Variants in EIF3H observed in about 807,000 individuals in gnomAD.
The protein encoded by EIF3H is eIF-3-gamma.
In EIF3H, 26 loss-of-function variants were observed where a neutral mutation model predicts 44.2. The observed-to-expected ratio is 0.59, with a 90% CI of 0.43 to 0.82. The LOEUF is 0.82. Among genes scored for constraint, EIF3H ranks in the 40% least tolerant of loss-of-function variants. The pLI is 0.00. For synonymous variants in EIF3H, 166 were observed against 151.9 expected (o/e 1.09, Z -0.68); for missense variants, 359 against 432.8 (o/e 0.83, Z 1.51).
chr8:116,696,059 G>A (rs376404346), intron 2 of EIF3H, among the ~76,000 whole-genome samples: 1 of 152,292 alleles, frequency 6.6e-6, no homozygotes. Flanking sequence ...CAGCTCAAAA[G>A]CCCTTCAAGT....
intron 2 of EIF3H, among the ~76,000 whole-genome samples, chr8:116,716,295 T>C (rs1814658414): frequency 6.6e-6 from 1 of 152,080 alleles, no homozygotes; most frequent in Non-Finnish European, 1.5e-5. Flanking sequence ...CCTCATACCA[T>C]TATCTTTCCA....
At chr8:116,680,973 TA>T (rs11369605) in intron 2 of EIF3H, among the ~76,000 whole-genome samples, 32,941 of 146,416 alleles carry the variant, frequency 0.22, 3,656 homozygotes, top group East Asian at 0.43. Flanking sequence ...ATTTATAAAT[TA>T]AAAAAAAAAA....
upstream of EIF3H, among the ~76,000 whole-genome samples, chr8:116,757,524 TTC>T (rs1815469917): frequency 6.6e-6 from 1 of 152,220 alleles, no homozygotes; most frequent in South Asian, 2.1e-4. Flanking sequence ...CCTATTTTTG[TTC>T]TCTTTTATGG....
chr8:116,691,868 T>C (rs1209050542), intron 2 of EIF3H, among the ~76,000 whole-genome samples: 1 of 38,886 alleles, frequency 2.6e-5, no homozygotes, highest in South Asian at 8.5e-4. Context: ...AAAGACTGTC[T>C]CAAAAAAAAA....
In EIF3H at chr8:116,750,970, T is replaced by G. The variant is rs551509860; in HGVS notation, c.132+4696A>C. ...GCTCACGCCTGTAATCCCAGCACTT[T>G]GGGAGGCCGAGGCGGGCGGATCACG... On this transcript the variant is annotated intron_variant, in intron 1 of 7. Coordinates refer to ENST00000521861, the MANE Select transcript of EIF3H (RefSeq NM_003756.3). 7.5e-3 allele frequency among the ~76,000 whole-genome samples: 1,137 copies of G among 151,648 alleles called. 20 individuals carry two copies. Among genetic ancestry groups the G allele is most frequent in the African/African-American group, 0.026 (1,095 of 41,514 alleles).
upstream of EIF3H, among the ~76,000 whole-genome samples, chr8:116,759,349 GAT>G (rs1438092299): frequency 2.0e-5 from 3 of 152,326 alleles, no homozygotes; most frequent in Non-Finnish European, 4.4e-5. Context: ...GGAAGCAGAG[GAT>G]AGCCTGTCAC....
At chr8:116,680,836 T>C (rs1038454113) in intron 2 of EIF3H, among the ~76,000 whole-genome samples, 1 of 45,956 alleles carries the variant, frequency 2.2e-5, no homozygotes, top group Non-Finnish European at 5.2e-5. Context: ...AAAAAAATAA[T>C]AATAAATAAA....
At chr8:116,738,147 C>CA (rs112870218) in intron 1 of EIF3H, among the ~76,000 whole-genome samples, 6,164 of 150,640 alleles carry the variant, frequency 0.041, 421 homozygotes, top group African/African-American at 0.14. Context: ...CAAAAAGCAT[C>CA]AAAAAAAACT....
At chr8:116,692,661 C>T (rs1371376547) in intron 2 of EIF3H, among the ~76,000 whole-genome samples, 2 of 152,166 alleles carry the variant, frequency 1.3e-5, no homozygotes, top group Non-Finnish European at 2.9e-5. Context: ...AAACAAACCC[C>T]TTTCCTTCCA....
At chr8:116,696,572 C>T (rs1442100838) in intron 2 of EIF3H, among the ~76,000 whole-genome samples, 1 of 152,184 alleles carries the variant, frequency 6.6e-6, no homozygotes, top group East Asian at 1.9e-4. Flanking sequence ...AGAAGATAGG[C>T]ATACTTCATG....
chr8:116,750,902 G>A (rs114586183), intron 1 of EIF3H, among the ~76,000 whole-genome samples: 2,051 of 152,038 alleles, frequency 0.013, 55 homozygotes, highest in African/African-American at 0.047. Context: ...GAATGTTCAC[G>A]TTAAATAAAC....
At chr8:116,739,400 C>T (rs1815093915) in intron 1 of EIF3H, among the ~76,000 whole-genome samples, 1 of 152,242 alleles carries the variant, frequency 6.6e-6, no homozygotes, top group Non-Finnish European at 1.5e-5. Flanking sequence ...CCTGTAATCC[C>T]AGCACTTTTG....
intron 1 of EIF3H, among the ~76,000 whole-genome samples, chr8:116,752,759 G>GAAA (rs1815375561): frequency 5.1e-5 from 1 of 19,614 alleles, no homozygotes; most frequent in East Asian, 8.8e-4. Flanking sequence ...GAAAGAGGGA[G>GAAA]GGAGGGAGGG....
At chr8:116,689,248 T>C (rs375785134) in intron 2 of EIF3H, 17 of 295,090 alleles carry the variant, frequency 5.8e-5, no homozygotes, top group South Asian at 3.5e-4. Context: ...AGACAGAATG[T>C]AGATTTGAGG....
intron 1 of EIF3H, among the ~76,000 whole-genome samples, chr8:116,764,260 T>G (rs1421357801): frequency 6.6e-6 from 1 of 152,200 alleles, no homozygotes; most frequent in African/African-American, 2.4e-5. Context: ...TATTAAATAT[T>G]TTAATAATGA....
intron 2 of EIF3H, among the ~76,000 whole-genome samples, chr8:116,681,372 TACAA>T (rs528446329): frequency 2.6e-4 from 38 of 146,584 alleles, no homozygotes; most frequent in Admixed American, 2.4e-3. Context: ...AAAGAAAAGG[TACAA>T]ACACTCTATG....
chr8:116,643,733 A>G lies in EIF3H; in HGVS notation c.*1273T>C, dbSNP rs1468950255. On this transcript the variant is annotated 3_prime_UTR_variant, in exon 8 of 8. Transcript: ENST00000521861. ...ATCCCAGAGCCCCAGTAGTGCCTTC[A>G]AAACAATGTTGTCCAAAAAATGAAT... 1 of 152,184 alleles carries G rather than the reference A, an allele frequency of 6.6e-6. No individual in the cohort carries two copies. The highest frequency in any genetic ancestry group is 2.4e-5 in the African/African-American group (1 of 41,442). 9.4% of individuals were successfully genotyped at this position (152,184 alleles called of 1,614,324 possible).
At chr8:116,696,952 C>T in intron 2 of EIF3H, 4 of 359,580 alleles carry the variant, frequency 1.1e-5, no homozygotes, top group Non-Finnish European at 2.2e-5. Context: ...AACATGTACA[C>T]AAACAAAAAA....
At chr8:116,647,351 C>T (rs1563631449) in intron 6 of EIF3H, among the ~76,000 whole-genome samples, 1 of 152,188 alleles carries the variant, frequency 6.6e-6, no homozygotes, top group South Asian at 2.1e-4. Context: ...CCACCCGCCT[C>T]GGCCTCCCCA....
Sources: gnomAD v4.1 joint callset for allele counts (sites outside exome capture counted in the v4.1 genomes callset) on GRCh38, gnomAD v4.1.1 for gene constraint, MANE v1.5 for transcripts, NCBI Gene and HGNC (gene_info 2026-07-23, HGNC 2026-07-21) for gene names.